Variants in DBF4 observed in about 807,000 individuals in gnomAD.
DBF4 encodes DBF4-CDC7 kinase regulatory subunit, also known as protein DBF4 homolog A.
A neutral mutation model predicts 76.6 loss-of-function variants in DBF4; 25 were observed. The ratio of observed to expected loss-of-function variants is 0.33; its 90% CI spans 0.24 to 0.46. The LOEUF is 0.46. Among genes scored for constraint, DBF4 ranks in the 20% least tolerant of loss-of-function variants. The pLI, the probability that DBF4 is intolerant of heterozygous loss-of-function variation, is 1.00. For synonymous variants in DBF4, 213 were observed against 258.0 expected, an observed-to-expected ratio of 0.83 and a Z score of 1.67; for missense variants, 638 against 760.8, an observed-to-expected ratio of 0.84 and a Z score of 1.90.
intron 9 of DBF4, 83 bp from the exon 10 acceptor site, chr7:87,900,677 TTGTG>T: frequency 9.3e-7 from 1 of 1,073,944 alleles, no homozygotes; most frequent in Non-Finnish European, 1.4e-6. Flanking sequence ...ATTATGCAGA[TTGTG>T]TGTGATAGTT....
chr7:87,908,148 A>T lies in DBF4; in HGVS notation c.2010A>T (p.Thr670=). Residue 670 remains threonine (T), a synonymous_variant, in exon 12 of 12, where the codon ACA becomes ACT. Coordinates refer to ENST00000265728, the MANE Select transcript of DBF4 (RefSeq NM_006716.4). ...TAFFSSPSTS[T]FTGF ...TTTTCTCGTCCCCTTCAACTTCTACATTTACTGGCTTTTAGAATTTAAAAA... is the reference window on the plus strand; with the variant it reads ...TTTTCTCGTCCCCTTCAACTTCTACTTTTACTGGCTTTTAGAATTTAAAAA... The T allele has an allele frequency of 4.4e-6, 7 of 1,577,000 alleles. No homozygotes were observed. Among genetic ancestry groups the T allele is most frequent in the Non-Finnish European group, 6.0e-6 (7 of 1,164,196 alleles).
intron 2 of DBF4, chr7:87,878,558 A>C (rs1163869825): frequency 5.3e-6 from 1 of 188,622 alleles, no homozygotes; most frequent in Non-Finnish European, 1.1e-5. Context: ...GGGGAGCTAC[A>C]TAAGTTTGTC....
rs1406732874 is a variant in DBF4 at position 87,876,563 on chromosome 7, C to T, written c.-170C>T. ...CTCCTCCGCGCCTTGGAGCCGGATCCGGCCCCGGAAACCCGACCTGCAGAC... is the reference window on the plus strand; with the variant it reads ...CTCCTCCGCGCCTTGGAGCCGGATCTGGCCCCGGAAACCCGACCTGCAGAC... On this transcript the variant is annotated 5_prime_UTR_variant, in exon 1 of 12. Transcript: ENST00000265728. The T allele has an allele frequency of 2.5e-5, 17 of 677,866 alleles. No individual in the cohort carries two copies. Among genetic ancestry groups the T allele is most frequent in the Non-Finnish European group, 3.8e-5 (15 of 394,308 alleles). The allele number at this position is 677,866 out of a possible 1,614,324, so 42.0% of individuals were successfully genotyped here.
In DBF4 at chr7:87,887,405, AT is replaced by A; in HGVS notation, c.520+11del. The A allele has an allele frequency of 6.4e-7, 1 of 1,565,264 alleles. No individual in the cohort carries two copies. Among genetic ancestry groups the A allele is most frequent in the Non-Finnish European group, 8.7e-7 (1 of 1,148,016 alleles). On this transcript the variant is annotated splice_region_variant and intron_variant, in intron 5 of 11. Transcript: ENST00000265728. ...AAAATTCTTCATATTGATGGTAAGG[AT>A]TTTATAATTGTTTTTTGACAGTATT...
rs17150028 is a variant in DBF4 at position 87,904,454 on chromosome 7, A to T, written c.1049+38A>T. 3 of 1,579,566 alleles carry T rather than the reference A, an allele frequency of 1.9e-6. No homozygotes were observed. The Admixed American group carries it at 5.2e-5, about 28-fold the overall frequency. On this transcript the variant is annotated intron_variant, in intron 11 of 11. Coordinates refer to ENST00000265728, the MANE Select transcript of DBF4 (RefSeq NM_006716.4). ...ATCAACCTAAGTTTTAAATTCTACT[A>T]GGCGGCCAGGGGTGGTGGCTCATGC...
chr7:87,907,446 G>A lies in DBF4; in HGVS notation c.1308G>A (p.Met436Ile), dbSNP rs1839937688. Residue 436 changes from methionine to isoleucine, a missense_variant, in exon 12 of 12, where the codon ATG becomes ATA. Met to Ile is a conservative substitution (Grantham distance 10, BLOSUM62 1). Transcript: ENST00000265728. Reference sequence around the variant, plus strand: ...AGAAAATGAGTAATAAATGTTCCATGTTAAGTACAGCTGAAGATGACATAA... The same window carrying A: ...AGAAAATGAGTAATAAATGTTCCATATTAAGTACAGCTGAAGATGACATAA... ...LNEKMSNKCS[M>I]LSTAEDDIRQ... 5.6e-6 allele frequency: 9 copies of A among 1,613,916 alleles called. No individual in the cohort carries two copies. Among genetic ancestry groups the A allele is most frequent in the Non-Finnish European group, 7.6e-6 (9 of 1,179,956 alleles).
chr7:87,883,073 C>CT (rs1839256545), intron 2 of DBF4, among the ~76,000 whole-genome samples: 2 of 152,188 alleles, frequency 1.3e-5, no homozygotes, highest in South Asian at 4.1e-4. Context: ...GTTGTATATA[C>CT]ATACAATAGA....
intron 11 of DBF4, among the ~76,000 whole-genome samples, chr7:87,906,870 T>A (rs1839926269): frequency 6.6e-6 from 1 of 152,158 alleles, no homozygotes; most frequent in Admixed American, 6.5e-5. Context: ...TTACTATCAA[T>A]TTCTTTCATT....
rs554545068 is a variant in DBF4 at position 87,909,426 on chromosome 7, T to G, written c.*1263T>G. ...TCAGTACAGGACTAATTCATATGCT[T>G]TTCCTGCATACATTATTTTGATCAT... is the stretch of plus-strand genomic sequence containing the variant. On this transcript the variant is annotated 3_prime_UTR_variant, in exon 12 of 12. Transcript: ENST00000265728. The G allele has an allele frequency of 6.6e-6, 1 of 152,316 alleles. No individual in the cohort carries two copies. Among genetic ancestry groups the G allele is most frequent in the South Asian group, 2.1e-4 (1 of 4,828 alleles). 9.4% of individuals were successfully genotyped at this position (152,316 alleles called of 1,614,324 possible). A position where few individuals can be genotyped will look rare whatever the true frequency, so the allele number is the denominator to read the frequency against.
At chr7:87,904,888 C>T (rs1839878875) in intron 11 of DBF4, among the ~76,000 whole-genome samples, 1 of 152,152 alleles carries the variant, frequency 6.6e-6, no homozygotes, top group Non-Finnish European at 1.5e-5. Flanking sequence ...AAGATCCTTA[C>T]CTTAGACTAC....
At chr7:87,903,005 G>A (rs1031389583) in intron 10 of DBF4, among the ~76,000 whole-genome samples, 1 of 152,146 alleles carries the variant, frequency 6.6e-6, no homozygotes, top group Non-Finnish European at 1.5e-5. Flanking sequence ...CTATTCACAA[G>A]GAACTTTGTT....
In DBF4 at chr7:87,887,963, CCTT is replaced by C. The variant is rs755532565; in HGVS notation, c.521-16_521-14del. The C allele has an allele frequency of 2.0e-6, 3 of 1,521,226 alleles. No individual in the cohort carries two copies. Among genetic ancestry groups the C allele is most frequent in the South Asian group, 1.3e-5 (1 of 79,616 alleles). 94.2% of individuals were successfully genotyped at this position (1,521,226 alleles called of 1,614,324 possible). On this transcript the variant is annotated splice_polypyrimidine_tract_variant and intron_variant, in intron 5 of 11. Coordinates refer to ENST00000265728, the MANE Select transcript of DBF4 (RefSeq NM_006716.4). ...AAGAGTAAAATTGCTAATCTTAAAA[CCTT>C]CTTTCTTTTAATAAAGACATTAGAT...
intron 11 of DBF4, among the ~76,000 whole-genome samples, chr7:87,905,116 A>G (rs1839887618): frequency 6.6e-6 from 1 of 152,120 alleles, no homozygotes; most frequent in Non-Finnish European, 1.5e-5. Context: ...ACACCCCACT[A>G]ATTAGTCTCA....
chr7:87,888,777 C>T (rs1839421622), intron 6 of DBF4, among the ~76,000 whole-genome samples: 1 of 152,168 alleles, frequency 6.6e-6, no homozygotes, highest in Non-Finnish European at 1.5e-5. Flanking sequence ...CATTTTGATA[C>T]TTTTTAAACC....
intron 6 of DBF4, among the ~76,000 whole-genome samples, chr7:87,890,748 C>G (rs1839466095): frequency 6.6e-6 from 1 of 152,100 alleles, no homozygotes; most frequent in Non-Finnish European, 1.5e-5. Context: ...CTCATCATTC[C>G]TTCAGTAGTA....
At chr7:87,886,376 A>C (rs1288121337) in intron 3 of DBF4, among the ~76,000 whole-genome samples, 2 of 152,006 alleles carry the variant, frequency 1.3e-5, no homozygotes, top group Non-Finnish European at 2.9e-5. Flanking sequence ...ACTTAAAAAA[A>C]ATACAAAAAT....
intron 8 of DBF4, among the ~76,000 whole-genome samples, chr7:87,898,975 G>A (rs149861519): frequency 6.6e-6 from 1 of 152,210 alleles, no homozygotes; most frequent in East Asian, 1.9e-4. Context: ...TTCAACAAGG[G>A]TATGAAGATA....
At chr7:87,879,552 G>A (rs1384657582) in intron 2 of DBF4, among the ~76,000 whole-genome samples, 1 of 152,098 alleles carries the variant, frequency 6.6e-6, no homozygotes, top group East Asian at 1.9e-4. Flanking sequence ...TAGAAACAAA[G>A]TACTTGAGGT....
At chr7:87,887,004 G>C (rs1839372004) in intron 4 of DBF4, 110 bp downstream of exon 4, 2 of 731,846 alleles carry the variant, frequency 2.7e-6, no homozygotes, top group South Asian at 3.8e-5. Context: ...GCAAAAACCT[G>C]AATCTCAGCA....
Sources: gnomAD v4.1 joint callset for allele counts (sites outside exome capture counted in the v4.1 genomes callset) on GRCh38, gnomAD v4.1.1 for gene constraint, MANE v1.5 for transcripts, NCBI Gene and HGNC (gene_info 2026-07-23, HGNC 2026-07-21) for gene names.